Variants in SENP7 observed in about 807,000 individuals in gnomAD.
SENP7 encodes sentrin-specific protease 7.
SENP7 carries 64 observed loss-of-function variants against 141.2 expected under a neutral mutation model. That is an observed-to-expected ratio of 0.45 (90% confidence interval 0.37 to 0.56). The LOEUF (loss-of-function observed/expected upper bound fraction) is 0.56. Ranked by LOEUF, SENP7 falls within the 20% of genes least tolerant of loss-of-function variation. The pLI is 0.00. For missense variants in SENP7, 1,025 were observed against 1,212.2 expected (o/e 0.85, Z 2.29); for synonymous variants, 382 against 426.4 (o/e 0.90, Z 1.28).
At chr3:101,469,393 A>G (rs1390930673) in intron 3 of SENP7, among the ~76,000 whole-genome samples, 3 of 152,158 alleles carry the variant, frequency 2.0e-5, no homozygotes, top group African/African-American at 7.2e-5. Context: ...CAGCTCTGCA[A>G]CAAACAGACC....
At chr3:101,330,512 AT>A in intron 19 of SENP7, 126 bp from the exon 20 acceptor site, 1 of 513,604 alleles carries the variant, frequency 1.9e-6, no homozygotes. Flanking sequence ...TTGAGATTTA[AT>A]TTTTTTCATG....
chr3:101,413,785 A>C (rs1390687857), intron 5 of SENP7, among the ~76,000 whole-genome samples: 3 of 152,118 alleles, frequency 2.0e-5, no homozygotes, highest in Non-Finnish European at 2.9e-5. Flanking sequence ...TGTATACAAC[A>C]GTATATACAT....
chr3:101,509,395 T>C (rs1051496474), intron 1 of SENP7, among the ~76,000 whole-genome samples: 4 of 152,152 alleles, frequency 2.6e-5, no homozygotes, highest in Non-Finnish European at 5.9e-5. Context: ...AATTGCCAAA[T>C]CCAGTACCCT....
At chr3:101,444,738 G>A (rs1267972153) in intron 4 of SENP7, among the ~76,000 whole-genome samples, 1 of 128,056 alleles carries the variant, frequency 7.8e-6, no homozygotes, top group Non-Finnish European at 1.6e-5. Flanking sequence ...TCTGGGGACT[G>A]TTGTGGGGTG....
At chr3:101,487,373 C>T (rs1304750371) in intron 3 of SENP7, among the ~76,000 whole-genome samples, 1 of 152,104 alleles carries the variant, frequency 6.6e-6, no homozygotes, top group Non-Finnish European at 1.5e-5. Flanking sequence ...GGATATTAGA[C>T]CTTTGTCAGA....
chr3:101,418,690 A>AG, intron 4 of SENP7, among the ~76,000 whole-genome samples: 1 of 151,966 alleles, frequency 6.6e-6, no homozygotes, highest in Non-Finnish European at 1.5e-5. Flanking sequence ...TCTCAAAAAA[A>AG]AAAACCACTT....
chr3:101,379,553 T>C (rs2060436251), intron 6 of SENP7, among the ~76,000 whole-genome samples: 2 of 152,088 alleles, frequency 1.3e-5, no homozygotes, highest in South Asian at 2.1e-4. Context: ...AAAGAAGACA[T>C]ATAAATGGCC....
At chr3:101,348,746 G>A (rs1407116332) in intron 12 of SENP7, among the ~76,000 whole-genome samples, 1 of 151,588 alleles carries the variant, frequency 6.6e-6, no homozygotes, top group Non-Finnish European at 1.5e-5. Flanking sequence ...TCCCTCTTAG[G>A]GAGCTAAAGG....
At chr3:101,387,368 C>A (rs1198314090) in intron 6 of SENP7, among the ~76,000 whole-genome samples, 2 of 152,034 alleles carry the variant, frequency 1.3e-5, no homozygotes, top group Non-Finnish European at 2.9e-5. Flanking sequence ...AACAGGCCCA[C>A]CCCACCCACC....
intron 23 of SENP7, among the ~76,000 whole-genome samples, chr3:101,327,239 G>A (rs2058926111): frequency 6.6e-6 from 1 of 151,776 alleles, no homozygotes; most frequent in South Asian, 2.1e-4. Flanking sequence ...ATATAGTTTT[G>A]CTGTGCCCCG....
At chr3:101,452,316 T>A (rs913335513) in intron 4 of SENP7, among the ~76,000 whole-genome samples, 7 of 152,120 alleles carry the variant, frequency 4.6e-5, no homozygotes, top group Non-Finnish European at 8.8e-5. Flanking sequence ...TTCAATGGCA[T>A]CCCCATCAAG....
intron 4 of SENP7, 47 bp downstream of exon 4, chr3:101,458,908 A>C: frequency 8.8e-7 from 1 of 1,133,180 alleles, no homozygotes; most frequent in Non-Finnish European, 1.3e-6. Context: ...TTTATGGTCA[A>C]CTTTATAGGT....
At chr3:101,487,507 T>C (rs947257222) in intron 3 of SENP7, among the ~76,000 whole-genome samples, 55 of 152,292 alleles carry the variant, frequency 3.6e-4, no homozygotes, top group African/African-American at 1.3e-3. Flanking sequence ...CAATTGCTTT[T>C]GGGGAATTAG....
chr3:101,473,594 T>G (rs887663692), intron 3 of SENP7, among the ~76,000 whole-genome samples: 1 of 152,228 alleles, frequency 6.6e-6, no homozygotes, highest in African/African-American at 2.4e-5. Context: ...TGTTTTTTGC[T>G]TGTAAATTTG....
chr3:101,494,039 A>G, intron 2 of SENP7, 71 bp from the exon 3 acceptor site: 1 of 874,214 alleles, frequency 1.1e-6, no homozygotes, highest in African/African-American at 1.6e-5. Flanking sequence ...TAACAGAACC[A>G]CTATACTACC....
intron 3 of SENP7, among the ~76,000 whole-genome samples, chr3:101,464,361 G>A (rs894016412): frequency 1.3e-4 from 20 of 152,132 alleles, no homozygotes; most frequent in East Asian, 3.9e-4. Flanking sequence ...GAACCAGGCC[G>A]CACAGCAGGA....
intron 4 of SENP7, among the ~76,000 whole-genome samples, chr3:101,449,127 T>C (rs928749859): frequency 4.6e-5 from 7 of 151,966 alleles, no homozygotes; most frequent in Non-Finnish European, 7.4e-5. Context: ...AGGGTATCAG[T>C]GATGGAACAT....
rs551626500 is a variant in SENP7 at position 101,460,963 on chromosome 3, T to A, written c.187-1911A>T. Among the ~76,000 whole-genome samples, 64 of 145,736 alleles carry A rather than the reference T, an allele frequency of 4.4e-4. 1 individual carries two copies. The East Asian group carries it at 7.9e-3, about 18-fold the overall frequency. On this transcript the variant is annotated intron_variant, in intron 3 of 23. Transcript: ENST00000394095. ...AAAAAAAGGTATAGTATTCAAAATTTAAAAAAAAAAACTCTTACAATTCAG... is the reference window on the plus strand; with the variant it reads ...AAAAAAAGGTATAGTATTCAAAATTAAAAAAAAAAAACTCTTACAATTCAG...
At chr3:101,507,726 A>T (rs1008587865) in intron 1 of SENP7, among the ~76,000 whole-genome samples, 5 of 152,148 alleles carry the variant, frequency 3.3e-5, no homozygotes, top group Non-Finnish European at 2.9e-5. Context: ...ACTTTATTAC[A>T]ATAATTCCTC....
Sources: allele counts gnomAD v4.1 joint callset (sites outside exome capture counted in the v4.1 genomes callset), GRCh38; gene constraint gnomAD v4.1.1; transcripts MANE v1.5; gene names NCBI Gene and HGNC (gene_info 2026-07-23, HGNC 2026-07-21).